The following UBR4 variants were observed in gnomAD, a reference collection of about 807,000 sequenced individuals.
The protein encoded by UBR4 is ubiquitin protein ligase E3 component n-recognin 4.
In UBR4, 124 loss-of-function variants were observed where a neutral mutation model predicts 575.6. The ratio of observed to expected loss-of-function variants is 0.22; its 90% confidence interval spans 0.19 to 0.25. The LOEUF is 0.25. Ranked by LOEUF, UBR4 falls within the 10% of genes least tolerant of loss-of-function variation. The probability of loss-of-function intolerance (pLI) is 1.00; values close to 1 mark genes in which losing one functional copy is unlikely to be tolerated. For missense variants in UBR4, 4,818 were observed against 6,478.8 expected (o/e 0.74, Z 8.80); for synonymous variants, 2,455 against 2,473.7 (o/e 0.99, Z 0.22).
At chr1:19,184,899 T>A (rs949860062) in intron 15 of UBR4, among the ~76,000 whole-genome samples, 200 bp downstream of exon 15, 2 of 152,204 alleles carry the variant, frequency 1.3e-5, no homozygotes, top group Non-Finnish European at 2.9e-5. Flanking sequence ...CATTAAGTGA[T>A]TCTAAAGGCC....
intron 42 of UBR4, among the ~76,000 whole-genome samples, chr1:19,155,890 A>G (rs559903531): frequency 6.6e-6 from 1 of 152,242 alleles, no homozygotes; most frequent in Non-Finnish European, 1.5e-5. Flanking sequence ...ATAAATTCTG[A>G]AACAAGTATG....
At chr1:19,131,243 T>TAA (rs869155620) in intron 60 of UBR4, among the ~76,000 whole-genome samples, 9 of 102,978 alleles carry the variant, frequency 8.7e-5, no homozygotes, top group East Asian at 3.2e-4. Flanking sequence ...TCTTGAAACT[T>TAA]AAAAAAAAAA....
At position 19,151,826 on chromosome 1, in the gene UBR4, T is replaced by C. The variant is rs2085758584; in HGVS notation, c.7030A>G (p.Asn2344Asp). 1 of 1,611,190 alleles carries C rather than the reference T, an allele frequency of 6.2e-7. No individual in the cohort carries two copies. The highest frequency in any genetic ancestry group is 1.1e-5 in the South Asian group (1 of 90,698). ...GGFTIEISNN[N>D]STMVMTGMRI... ...ATGCCTGTCATCACCATAGTGCTAT[T>C]GTTGTTACTAATCTCAATGGTGAAG... is the stretch of plus-strand genomic sequence containing the variant. Residue 2344 changes from asparagine (N) to aspartate (D), a missense_variant, in exon 48 of 106, where the codon AAT becomes GAT. This residue lies in a region of UBR4 where 461 missense variants were observed against 606.9 expected (regional missense o/e 0.76). Coordinates refer to ENST00000375254, the MANE Select transcript of UBR4 (RefSeq NM_020765.3).
At position 19,110,735 on chromosome 1, in the gene UBR4, G is replaced by A. The variant is rs2079766618; in HGVS notation, c.11892+7C>T. ...AGAGGACAGCTGGGCCTGCTAGGCC[G>A]GCTCACCAGATCGGGGTTGGCCCAG... On this transcript the variant is annotated splice_region_variant and intron_variant, in intron 79 of 105. Transcript: ENST00000375254. The surrounding 1 kb of genome is among the most constrained non-coding windows in gnomAD (Gnocchi z 4.5). 7 of 1,613,806 alleles carry A rather than the reference G, an allele frequency of 4.3e-6. No individual in the cohort carries two copies. The highest frequency in any genetic ancestry group is 5.1e-6 in the Non-Finnish European group (6 of 1,179,946).
At chr1:19,108,901 G>A (rs1259649099) in intron 81 of UBR4, among the ~76,000 whole-genome samples, 8 of 152,168 alleles carry the variant, frequency 5.3e-5, no homozygotes, top group Admixed American at 2.6e-4. Flanking sequence ...AAGTAATTCC[G>A]TGAAAAATCT....
In UBR4 at chr1:19,151,648, A is replaced by G. The variant is rs2085739064; in HGVS notation, c.7208T>C (p.Leu2403Pro). 1.4e-5 allele frequency: 22 copies of G among 1,614,066 alleles called. No homozygotes were observed. In the East Asian group the frequency reaches 4.9e-4, roughly 36 times the overall value. Residue 2403 changes from leucine to proline, a missense_variant, in exon 48 of 106, where the codon CTC becomes CCC. Leu to Pro is a moderately conservative substitution (Grantham distance 98). Transcript: ENST00000375254. ...ACCAGGGGTTGGTGACTCACTGAAG[A>G]GGTTCAGCTTCTTATCAGCCTGCAG... ...EALQADKKLN[L>P]FIGASVDPAG...
intron 60 of UBR4, among the ~76,000 whole-genome samples, chr1:19,131,243 TAAAAAAAA>T (rs869155620): frequency 3.9e-5 from 4 of 102,978 alleles, no homozygotes; most frequent in African/African-American, 1.1e-4. Flanking sequence ...TCTTGAAACT[TAAAAAAAA>T]AAAAAAAAAA....
chr1:19,086,797 T>C lies in UBR4; in HGVS notation c.14569A>G (p.Thr4857Ala). ...FQPTKVLGIY[T>A]FTKRVALEEM... ...TCCAAGGCTACCCGCTTCGTGAAGG[T>C]ATAAATGCCCAGGACCTTTGTGGGC... Residue 4857 changes from threonine to alanine, a missense_variant, in exon 100 of 106, where the codon ACC (threonine) becomes GCC (alanine). This residue lies in a region of UBR4 where 196 missense variants were observed against 386.8 expected (regional missense o/e 0.51). Transcript: ENST00000375254. 6.2e-7 allele frequency: 1 copy of C among 1,614,174 alleles called. No individual in the cohort carries two copies. Among genetic ancestry groups the C allele is most frequent in the Non-Finnish European group, 8.5e-7 (1 of 1,180,016 alleles).
chr1:19,146,123 G>C, intron 52 of UBR4, 190 bp from the exon 53 acceptor site: 1 of 1,533,844 alleles, frequency 6.5e-7, no homozygotes, highest in South Asian at 1.2e-5. Context: ...AAGGAATATC[G>C]CAGAAAACAT....
intron 66 of UBR4, among the ~76,000 whole-genome samples, chr1:19,122,453 G>A (rs1326141021): frequency 6.6e-6 from 1 of 152,162 alleles, no homozygotes; most frequent in Non-Finnish European, 1.5e-5. Flanking sequence ...TTTCTCTTTA[G>A]GCAGCAATAC....
At chr1:19,198,405 TTCC>T in intron 5 of UBR4, 133 bp downstream of exon 5, 1 of 1,235,736 alleles carries the variant, frequency 8.1e-7, no homozygotes, top group Non-Finnish European at 1.1e-6. Context: ...TTATTTTGTA[TTCC>T]TCAATTTCTT....
At position 19,168,077 on chromosome 1, in the gene UBR4, G is replaced by T; in HGVS notation, c.3849C>A (p.Ser1283=). 1 of 1,613,780 alleles carries T rather than the reference G, an allele frequency of 6.2e-7. No homozygotes were observed. The change falls in exon 28 of 106, where the codon TCC becomes TCA. Residue 1283 remains serine (S), a synonymous_variant. Coordinates refer to ENST00000375254, the MANE Select transcript of UBR4 (RefSeq NM_020765.3). Reference sequence around the variant, plus strand: ...CCAGTGAGAGGAGGGTATGCTTCAGGGAAGCAGCCAGGGGCAGACTTTGGC... The same window carrying T: ...CCAGTGAGAGGAGGGTATGCTTCAGTGAAGCAGCCAGGGGCAGACTTTGGC... ...LCSQSLPLAA[S]LKHTLLSLVR... is the part of the protein sequence containing the mutation.
chr1:19,076,071 C>A (rs943949393), intron 105 of UBR4, among the ~76,000 whole-genome samples: 1 of 152,138 alleles, frequency 6.6e-6, no homozygotes, highest in Non-Finnish European at 1.5e-5. Flanking sequence ...TTCCCAGGCA[C>A]GGGCCAAGTC....
At chr1:19,201,683 C>T (rs1392799271) in intron 2 of UBR4, 35 bp downstream of exon 2, 1 of 1,564,542 alleles carries the variant, frequency 6.4e-7, no homozygotes, top group South Asian at 1.1e-5. Flanking sequence ...TATTCACAAG[C>T]CCTCAGAAGG....
At position 19,089,970 on chromosome 1, in the gene UBR4, G is replaced by A. The variant is rs75089529; in HGVS notation, c.14212-993C>T. 0.02 allele frequency among the ~76,000 whole-genome samples: 2,992 copies of A among 152,168 alleles called. 42 individuals carry two copies. The highest frequency in any genetic ancestry group is 0.056 in the South Asian group (268 of 4,810). On this transcript the variant is annotated intron_variant, in intron 97 of 105. Coordinates refer to ENST00000375254, the MANE Select transcript of UBR4 (RefSeq NM_020765.3). This position sits in a 1 kb window ranked among gnomAD's most constrained non-coding sequence, Gnocchi z 4.3. ...TGCATGCTTGCACATGTGTGTTTTC[G>A]GTGCTGGGAAAACAAAGACCTTGCT... is the stretch of plus-strand genomic sequence containing the variant.
Position 19,160,181 on chromosome 1 carries a change from C to G in UBR4, c.5507G>C (p.Ser1836Thr), listed in dbSNP as rs138339645. ...FQQASAVGSS[S>T]RAQQALSELH... ...CTCACTGAGGGCTTGCTGAGCACGG[C>G]TGCTGCTCCCGACGGCTGAAGCTTG... The change falls in exon 39 of 106, where the codon AGC becomes ACC. Residue 1836 changes from serine (S) to threonine (T), a missense_variant. Ser to Thr is a moderately conservative substitution (Grantham distance 58). This residue lies in a region of UBR4 where 159 missense variants were observed against 174.6 expected (regional missense o/e 0.91). Transcript: ENST00000375254. The G allele has an allele frequency of 1.1e-5, 17 of 1,614,056 alleles. No homozygotes were observed. The highest frequency in any genetic ancestry group is 1.7e-5 in the Admixed American group (1 of 60,006).
chr1:19,159,867 A>G (rs2087028764), intron 39 of UBR4, among the ~76,000 whole-genome samples: 1 of 150,164 alleles, frequency 6.7e-6, no homozygotes, highest in Non-Finnish European at 1.5e-5. Context: ...AGGCATCCCA[A>G]AGTGCTGGGA....
intron 19 of UBR4, 91 bp from the exon 20 acceptor site, chr1:19,176,818 C>A: frequency 7.1e-7 from 1 of 1,406,084 alleles, no homozygotes; most frequent in East Asian, 2.4e-5. Flanking sequence ...TACACTGAAT[C>A]TTGGTAATCT....
intron 65 of UBR4, 91 bp downstream of exon 65, chr1:19,124,450 C>T (rs1300286466): frequency 6.6e-7 from 1 of 1,526,154 alleles, no homozygotes; most frequent in African/African-American, 1.4e-5. Flanking sequence ...AGGGGAAATA[C>T]CAAGTAAGGA....
Sources: gnomAD v4.1 joint callset for allele counts (sites outside exome capture counted in the v4.1 genomes callset) on GRCh38, gnomAD v4.1.1 for gene constraint, gnomAD v4.1.1 regional missense constraint, Gnocchi (gnomAD v3.1) non-coding constraint, MANE v1.5 for transcripts, NCBI Gene and HGNC (gene_info 2026-07-23, HGNC 2026-07-21) for gene names.